The following HERC1 variants were observed in gnomAD, a reference collection of about 807,000 sequenced individuals.
The protein encoded by HERC1 is probable E3 ubiquitin-protein ligase HERC1.
Under a neutral mutation model 554.3 loss-of-function variants are expected in HERC1, and 160 were observed. That is an observed-to-expected ratio of 0.29 (90% CI 0.25 to 0.33). HERC1 has a LOEUF of 0.33. Among genes scored for constraint, HERC1 ranks in the 10% least tolerant of loss-of-function variants. The pLI is 1.00. For synonymous variants in HERC1, 2,175 were observed against 2,131.7 expected, an observed-to-expected ratio of 1.02 and a Z score of -0.56; for missense variants, 4,919 against 5,918.5, an observed-to-expected ratio of 0.83 and a Z score of 5.54.
At chr15:63,628,559 A>G in intron 70 of HERC1, 118 bp downstream of exon 70, 3 of 1,063,692 alleles carry the variant, frequency 2.8e-6, no homozygotes, top group Non-Finnish European at 4.0e-6. Flanking sequence ...TTTGTGTGGC[A>G]GAAGGCTTGA....
In HERC1 at chr15:63,818,407, G is replaced by C. The variant is rs530645303; in HGVS notation, c.-27+15420C>G. Among the ~76,000 whole-genome samples, 15 of 152,282 alleles carry C rather than the reference G, an allele frequency of 9.9e-5. No homozygotes were observed. The East Asian group carries it at 2.9e-3, about 29-fold the overall frequency. On this transcript the variant is annotated intron_variant, in intron 1 of 77. Coordinates refer to ENST00000443617, the MANE Select transcript of HERC1 (RefSeq NM_003922.4). ...TCTGAAATAAGGAGCCAAACCGACA[G>C]ATGGCAGACGAAAAGGAAGAGGGAG...
chr15:63,609,404 G>C (rs985497298), intron 77 of HERC1, 138 bp from the exon 78 acceptor site: 1 of 766,076 alleles, frequency 1.3e-6, no homozygotes, highest in Admixed American at 3.2e-5. Flanking sequence ...ACAGAGACTG[G>C]GCCAGATAGA....
chr15:63,743,927 T>A (rs1468002494), intron 12 of HERC1, among the ~76,000 whole-genome samples: 1 of 152,202 alleles, frequency 6.6e-6, no homozygotes. Context: ...TCTGTACCCA[T>A]CCTTCTTGGG....
At chr15:63,690,222 C>T (rs2072029759) in intron 32 of HERC1, among the ~76,000 whole-genome samples, 1 of 151,012 alleles carries the variant, frequency 6.6e-6, no homozygotes, top group Non-Finnish European at 1.5e-5. Flanking sequence ...TCCCATTTTG[C>T]CTTACTATTT....
intron 64 of HERC1, chr15:63,637,017 G>A (rs74020811): frequency 2.5e-6 from 1 of 406,836 alleles, no homozygotes; most frequent in African/African-American, 2.1e-5. Context: ...TCTCTTTGTA[G>A]GCTTCAGAGT....
chr15:63,721,361 AC>A (rs1383604216), intron 19 of HERC1, among the ~76,000 whole-genome samples: 2 of 152,104 alleles, frequency 1.3e-5, no homozygotes, highest in African/African-American at 2.4e-5. Flanking sequence ...CCCCATCTCT[AC>A]TAAAAATACA....
intron 77 of HERC1, among the ~76,000 whole-genome samples, chr15:63,611,691 TGGAAGATTTAG>T (rs1464690983): frequency 2.0e-5 from 3 of 152,242 alleles, no homozygotes; most frequent in Non-Finnish European, 4.4e-5. Flanking sequence ...AGGAAGATGC[TGGAAGATTTAG>T]GGAAGGTTGT....
intron 10 of HERC1, among the ~76,000 whole-genome samples, chr15:63,748,259 T>G (rs2075128209): frequency 6.6e-6 from 1 of 151,958 alleles, no homozygotes. Context: ...ACATTAAAGC[T>G]GAATGAGTTC....
intron 74 of HERC1, among the ~76,000 whole-genome samples, chr15:63,621,340 G>A (rs1448795353): frequency 6.6e-6 from 1 of 152,208 alleles, no homozygotes; most frequent in Non-Finnish European, 1.5e-5. Context: ...CTTCTGGCTT[G>A]TAGAGTTTCT....
rs777138650 is a variant in HERC1, at chr15:63,674,458, C to A, written c.7730G>T (p.Arg2577Leu). 1.2e-6 allele frequency: 2 copies of A among 1,613,914 alleles called. No individual in the cohort carries two copies. The highest frequency in any genetic ancestry group is 1.7e-6 in the Non-Finnish European group (2 of 1,179,860). The stretch of plus-strand genomic sequence containing the variant: ...TCCCAATGCTCTCTTTATGGGTGAC[C>A]GCATGACTGCTCGCTTCACCATGTG... ...MRHMVKRAVM[R>L]SPIKRALGLA... The change falls in exon 38 of 78, where the codon CGG becomes CTG. Residue 2577 changes from arginine to leucine, a missense_variant. Arg to Leu is a moderately radical substitution (Grantham distance 102, BLOSUM62 -2). Around this residue, in one of 11 missense-constraint regions of HERC1, gnomAD observed 1,963 missense variants for 2,228.6 expected, o/e 0.88. Coordinates refer to ENST00000443617, the MANE Select transcript of HERC1 (RefSeq NM_003922.4).
intron 1 of HERC1, among the ~76,000 whole-genome samples, chr15:63,792,224 G>C (rs2076674437): frequency 6.6e-6 from 1 of 151,968 alleles, no homozygotes; most frequent in Admixed American, 6.6e-5. Context: ...AAATGATCTT[G>C]GGCAAGAACA....
Position 63,649,896 on chromosome 15 carries a change from G to A in HERC1, c.10576C>T (p.His3526Tyr). Residue 3526 changes from histidine to tyrosine, a missense_variant, in exon 54 of 78, where the codon CAT (histidine) becomes TAT (tyrosine). This residue lies in a region of HERC1 where 1,963 missense variants were observed against 2,228.6 expected (regional missense o/e 0.88). Transcript: ENST00000443617. ...GGKGLVDIQPHWVSALAWPEE... is the reference protein window; with the variant it reads ...GGKGLVDIQPYWVSALAWPEE... ...GGCCAAGCCAGGGCAGATACCCAAT[G>A]AGGCTGAATATCTACTAATCCTTTT... The A allele has an allele frequency of 6.2e-7, 1 of 1,610,394 alleles. No individual in the cohort carries two copies. Among genetic ancestry groups the A allele is most frequent in the Non-Finnish European group, 8.5e-7 (1 of 1,178,206 alleles).
intron 77 of HERC1, among the ~76,000 whole-genome samples, chr15:63,611,578 C>A (rs1489434318): frequency 6.6e-6 from 1 of 152,196 alleles, no homozygotes; most frequent in South Asian, 2.1e-4. Context: ...CTGGGGCACA[C>A]CCACCAGTTA....
intron 12 of HERC1, among the ~76,000 whole-genome samples, chr15:63,743,729 T>C (rs1010513184): frequency 1.3e-5 from 2 of 152,238 alleles, no homozygotes; most frequent in Admixed American, 6.5e-5. Flanking sequence ...CTCTGTGCTA[T>C]CTTGAATTTC....
In HERC1 at chr15:63,608,795, T is replaced by TA. The variant is rs1410990368; in HGVS notation, c.*285dup. ...TTTACAAAAATGTACCATTCCCAACTAAAAATGCACCAAAATGGTTTCATG... is the reference window on the plus strand; with the variant it reads ...TTTACAAAAATGTACCATTCCCAACTAAAAAATGCACCAAAATGGTTTCATG... On this transcript the variant is annotated 3_prime_UTR_variant, in exon 78 of 78. Coordinates refer to ENST00000443617, the MANE Select transcript of HERC1 (RefSeq NM_003922.4). 2 of 259,356 alleles carry TA rather than the reference T, an allele frequency of 7.7e-6. No individual in the cohort carries two copies. Among genetic ancestry groups the TA allele is most frequent in the Non-Finnish European group, 1.5e-5 (2 of 136,076 alleles). 16.1% of individuals were successfully genotyped at this position (259,356 alleles called of 1,614,324 possible).
Position 63,718,600 on chromosome 15 carries a change from T to C in HERC1, c.3952A>G (p.Thr1318Ala), listed in dbSNP as rs761490358. ...LACKNLELIQTRSSSRDRWIS... is the reference protein window; with the variant it reads ...LACKNLELIQARSSSRDRWIS... ...CATCTGTCCCGTGATGATGACCTTG[T>C]TTGAATAAGTTCAAGGTTCTTGCAA... Residue 1318 changes from threonine to alanine, a missense_variant, in exon 21 of 78, where the codon ACA (threonine) becomes GCA (alanine). Around this residue, in one of 11 missense-constraint regions of HERC1, gnomAD observed 1,121 missense variants for 1,244.0 expected, o/e 0.90. Transcript: ENST00000443617. The surrounding 1 kb of genome is among the most constrained non-coding windows in gnomAD (Gnocchi z 4.2). The C allele has an allele frequency of 8.8e-6, 14 of 1,584,842 alleles. No individual in the cohort carries two copies. The highest frequency in any genetic ancestry group is 1.8e-5 in the Admixed American group (1 of 55,456).
Position 63,698,793 on chromosome 15 carries a change from C to G in HERC1, c.4840G>C (p.Glu1614Gln). ...GNAPGFKEPE[E>Q]SMSTSPQASI... ...GCCTGGGGACTTGTAGACATACTTT[C>G]CTCTGGCTCTTTAAAACCTGGGGCA... The change falls in exon 26 of 78, where the codon GAA becomes CAA. Residue 1614 changes from glutamate to glutamine, a missense_variant. Around this residue, in one of 11 missense-constraint regions of HERC1, gnomAD observed 1,121 missense variants for 1,244.0 expected, o/e 0.90. Transcript: ENST00000443617. 6.2e-7 allele frequency: 1 copy of G among 1,613,926 alleles called. No individual in the cohort carries two copies. The highest frequency in any genetic ancestry group is 8.5e-7 in the Non-Finnish European group (1 of 1,179,860).
rs972636455 is a variant in HERC1 at position 63,756,912 on chromosome 15, G to C, written c.1222-164C>G. 6.6e-6 allele frequency among the ~76,000 whole-genome samples: 1 copy of C among 152,140 alleles called. No individual in the cohort carries two copies. The highest frequency in any genetic ancestry group is 2.4e-5 in the African/African-American group (1 of 41,428). Reference sequence around the variant, plus strand: ...ACAGAAATCTAAGAGAACACGAATGGCCTTTTCATGCTCACAACTTTGTTG... The same window carrying C: ...ACAGAAATCTAAGAGAACACGAATGCCCTTTTCATGCTCACAACTTTGTTG... On this transcript the variant is annotated intron_variant, in intron 4 of 77. Coordinates refer to ENST00000443617, the MANE Select transcript of HERC1 (RefSeq NM_003922.4). The surrounding 1 kb of genome is among the most constrained non-coding windows in gnomAD (Gnocchi z 5.0).
chr15:63,714,545 G>GTTTTTTTTTTT (rs773905620), intron 22 of HERC1, among the ~76,000 whole-genome samples: 1 of 95,830 alleles, frequency 1.0e-5, no homozygotes. Context: ...TCCTTTTTCT[G>GTTTTTTTTTTT]TTTTTTTTTT....
Sources: gnomAD v4.1 joint callset for allele counts (sites outside exome capture counted in the v4.1 genomes callset) on GRCh38, gnomAD v4.1.1 for gene constraint, gnomAD v4.1.1 regional missense constraint, Gnocchi (gnomAD v3.1) non-coding constraint, MANE v1.5 for transcripts, NCBI Gene and HGNC (gene_info 2026-07-23, HGNC 2026-07-21) for gene names.